Variants in ITGB5 observed in about 807,000 individuals in gnomAD.
The protein encoded by ITGB5 is integrin beta-5.
A neutral mutation model predicts 84.8 loss-of-function variants in ITGB5; 38 were observed. That is an observed-to-expected ratio of 0.45 (90% CI 0.35 to 0.59). The LOEUF is 0.59. Among genes scored for constraint, ITGB5 ranks in the 20% least tolerant of loss-of-function variants. The pLI is 0.01. For missense variants in ITGB5, 905 were observed against 1,034.5 expected (o/e 0.87, Z 1.72); for synonymous variants, 393 against 414.4 (o/e 0.95, Z 0.63).
At chr3:124,872,808 T>C (rs1439922229) in intron 2 of ITGB5, among the ~76,000 whole-genome samples, 2 of 152,200 alleles carry the variant, frequency 1.3e-5, no homozygotes, top group Non-Finnish European at 2.9e-5. Flanking sequence ...AATCTCGCTA[T>C]GTTGTCTAGG....
intron 4 of ITGB5, among the ~76,000 whole-genome samples, chr3:124,842,612 G>A (rs1185096024): frequency 2.0e-5 from 3 of 152,186 alleles, no homozygotes; most frequent in Admixed American, 6.5e-5. Context: ...GAGGCAGGCT[G>A]GGCCAGACTG....
intron 9 of ITGB5, among the ~76,000 whole-genome samples, chr3:124,807,444 C>T (rs1215532871): frequency 2.0e-5 from 3 of 152,012 alleles, no homozygotes; most frequent in African/African-American, 7.3e-5. Context: ...AATAAATTAT[C>T]ATTTGTAATG....
intron 5 of ITGB5, among the ~76,000 whole-genome samples, chr3:124,823,302 A>T (rs58969935): frequency 0.025 from 3,810 of 152,074 alleles, 183 homozygotes; most frequent in African/African-American, 0.087. Flanking sequence ...AAATAATTTT[A>T]AAAAAATTAA....
chr3:124,847,983 C>T (rs1019242196), intron 4 of ITGB5, among the ~76,000 whole-genome samples: 1 of 152,182 alleles, frequency 6.6e-6, no homozygotes, highest in African/African-American at 2.4e-5. Flanking sequence ...AGTTGCCCTG[C>T]CTGCTGCCTC....
intron 1 of ITGB5, among the ~76,000 whole-genome samples, chr3:124,898,640 T>C (rs1450325891): frequency 6.3e-5 from 2 of 31,680 alleles, no homozygotes; most frequent in East Asian, 1.0e-3. Context: ...CGAGACTCCG[T>C]CTCAAAAAAA....
At chr3:124,837,238 A>G (rs1579274334) in intron 5 of ITGB5, among the ~76,000 whole-genome samples, 1 of 152,372 alleles carries the variant, frequency 6.6e-6, no homozygotes, top group East Asian at 1.9e-4. Context: ...AGAAGAGGAA[A>G]GCAGCCATAT....
intron 3 of ITGB5, among the ~76,000 whole-genome samples, chr3:124,851,641 A>ACACACG (rs1553764710): frequency 6.6e-6 from 1 of 150,678 alleles, no homozygotes; most frequent in Non-Finnish European, 1.5e-5. Context: ...ACACACACAC[A>ACACACG]CGCACACATC....
At chr3:124,767,565 C>T (rs1559920591) in intron 12 of ITGB5, among the ~76,000 whole-genome samples, 1 of 152,154 alleles carries the variant, frequency 6.6e-6, no homozygotes, top group Non-Finnish European at 1.5e-5. Context: ...CTTCTCTGAC[C>T]ATGTGTGCCT....
intron 11 of ITGB5, 69 bp from the exon 12 acceptor site, chr3:124,769,182 C>T: frequency 7.9e-7 from 1 of 1,258,196 alleles, no homozygotes; most frequent in Non-Finnish European, 1.2e-6. Flanking sequence ...TCCCTGAGCT[C>T]CTGACAGTGC....
chr3:124,871,728 A>C (rs1002316645), intron 2 of ITGB5, among the ~76,000 whole-genome samples: 1 of 152,054 alleles, frequency 6.6e-6, no homozygotes, highest in African/African-American at 2.4e-5. Context: ...CTGGTGGCTG[A>C]GGTAGGAGGA....
intron 11 of ITGB5, among the ~76,000 whole-genome samples, chr3:124,772,392 G>A (rs1309785750): frequency 1.3e-5 from 2 of 152,172 alleles, no homozygotes; most frequent in South Asian, 4.1e-4. Context: ...CTGCCACCCA[G>A]AACGTTTCCG....
intron 10 of ITGB5, among the ~76,000 whole-genome samples, chr3:124,783,244 T>C (rs555586185): frequency 1.6e-4 from 23 of 145,516 alleles, no homozygotes; most frequent in African/African-American, 5.4e-4. Context: ...TGGGCCAAGA[T>C]TGCACCACTG....
At chr3:124,771,227 T>G (rs1232145002) in intron 11 of ITGB5, among the ~76,000 whole-genome samples, 1 of 151,816 alleles carries the variant, frequency 6.6e-6, no homozygotes, top group Non-Finnish European at 1.5e-5. Context: ...TCACCCAAAG[T>G]GAAAAGTGTG....
At position 124,821,315 on chromosome 3, in the gene ITGB5, T is replaced by C. The variant is rs2064698797; in HGVS notation, c.940A>G (p.Met314Val). 6.2e-7 allele frequency: 1 copy of C among 1,612,560 alleles called. No homozygotes were observed. Among genetic ancestry groups the C allele is most frequent in the Non-Finnish European group, 8.5e-7 (1 of 1,179,270 alleles). ...EANEYTASNQ[M>V]DYPSLALLGE... ...GGGATCTGGTTCCCGGCACTCACCA[T>C]CTGGTTGGATGCAGTGTACTCGTTG... is the stretch of plus-strand genomic sequence containing the variant. The change falls in exon 6 of 15, where the codon ATG (methionine) becomes GTG (valine). Residue 314 changes from methionine to valine, a missense_variant and splice_region_variant. Physicochemically the swap from Met to Val is conservative, Grantham distance 21. Around this residue, in one of 3 missense-constraint regions of ITGB5, gnomAD observed 656 missense variants for 734.7 expected, o/e 0.89. Transcript: ENST00000296181.
intron 4 of ITGB5, among the ~76,000 whole-genome samples, chr3:124,843,053 T>G (rs1368024019): frequency 6.6e-6 from 1 of 152,204 alleles, no homozygotes. Context: ...TTTGTGTTTC[T>G]CCCTTCTCCT....
chr3:124,827,474 T>C (rs940513962), intron 5 of ITGB5, among the ~76,000 whole-genome samples: 7 of 152,244 alleles, frequency 4.6e-5, no homozygotes, highest in South Asian at 2.1e-4. Context: ...GGAATATAAA[T>C]TATTGCATGC....
intron 2 of ITGB5, among the ~76,000 whole-genome samples, chr3:124,871,180 T>C (rs923492530): frequency 6.6e-6 from 1 of 151,512 alleles, no homozygotes; most frequent in African/African-American, 2.4e-5. Flanking sequence ...TGTGAGCCAC[T>C]GCACACCAGG....
At chr3:124,865,669 GTAGAGA>G (rs2065379122) in intron 2 of ITGB5, among the ~76,000 whole-genome samples, 1 of 151,268 alleles carries the variant, frequency 6.6e-6, no homozygotes, top group African/African-American at 2.4e-5. Context: ...TACTTTTTTT[GTAGAGA>G]CCAGGTCTCA....
intron 12 of ITGB5, among the ~76,000 whole-genome samples, chr3:124,766,677 T>G (rs1189261780): frequency 6.6e-6 from 1 of 151,928 alleles, no homozygotes; most frequent in African/African-American, 2.4e-5. Flanking sequence ...CCACGGAAAT[T>G]AAAGGGATAA....
Sources: gnomAD v4.1 joint callset for allele counts (sites outside exome capture counted in the v4.1 genomes callset) on GRCh38, gnomAD v4.1.1 for gene constraint, gnomAD v4.1.1 regional missense constraint, MANE v1.5 for transcripts, NCBI Gene and HGNC (gene_info 2026-07-23, HGNC 2026-07-21) for gene names.